KREMEN2: variants seen among roughly 807,000 people sequenced by gnomAD.
KREMEN2 encodes kremen protein 2.
KREMEN2 carries 43 observed loss-of-function variants against 49.8 expected under a neutral mutation model. The observed-to-expected ratio is 0.86, with a 90% CI of 0.68 to 1.11. KREMEN2 has a LOEUF of 1.11. KREMEN2 is among the 50% of genes most tolerant of loss of function. The pLI, the probability that KREMEN2 is intolerant of heterozygous loss-of-function variation, is 0.00. For synonymous variants in KREMEN2, 355 were observed against 304.9 expected, an observed-to-expected ratio of 1.16 and a Z score of -1.71; for missense variants, 686 against 665.7, an observed-to-expected ratio of 1.03 and a Z score of -0.34.
intron 1 of KREMEN2, 46 bp downstream of exon 1, chr16:2,964,660 C>G: frequency 3.3e-6 from 5 of 1,504,268 alleles, no homozygotes; most frequent in Non-Finnish European, 4.5e-6. Context: ...ACCCCTTCCT[C>G]GGCCTCCGCC....
In KREMEN2 at chr16:2,968,278, C is replaced by T; in HGVS notation, c.*258C>T. Reference sequence around the variant, plus strand: ...TCTGGTTTCGGAGGTCTTTGAACCCCTCTGGGGGTGGTCCTGGACTGCCGT... The same window carrying T: ...TCTGGTTTCGGAGGTCTTTGAACCCTTCTGGGGGTGGTCCTGGACTGCCGT... On this transcript the variant is annotated 3_prime_UTR_variant, in exon 9 of 9. Coordinates refer to ENST00000303746, the MANE Select transcript of KREMEN2 (RefSeq NM_172229.3). 7.5e-7 allele frequency: 1 copy of T among 1,325,578 alleles called. No homozygotes were observed. The allele number at this position is 1,325,578 out of a possible 1,614,324, so 82.1% of individuals were successfully genotyped here.
Position 2,964,839 on chromosome 16 carries a change from G to A in KREMEN2, c.95-20G>A. 6.2e-7 allele frequency: 1 copy of A among 1,609,376 alleles called. No individual in the cohort carries two copies. Among genetic ancestry groups the A allele is most frequent in the Non-Finnish European group, 8.5e-7 (1 of 1,178,568 alleles). On this transcript the variant is annotated intron_variant, in intron 1 of 8. Transcript: ENST00000303746. ...CCGGCGTGGGTCCGGACCTCCCCAG[G>A]CCCTGCCTTTGCCGTGCAGGCCTGT...
chr16:2,966,317 C>T lies in KREMEN2; in HGVS notation c.362-8C>T. On this transcript the variant is annotated splice_polypyrimidine_tract_variant and splice_region_variant and intron_variant, in intron 3 of 8. Transcript: ENST00000303746. The surrounding 1 kb of genome is among the most constrained non-coding windows in gnomAD (Gnocchi z 8.4). ...CGGAGTCACGGAAGTCTGACTCTGCCCCCTCAGTGCCAGGCTACCTGGGAT... is the reference window on the plus strand; with the variant it reads ...CGGAGTCACGGAAGTCTGACTCTGCTCCCTCAGTGCCAGGCTACCTGGGAT... The T allele has an allele frequency of 3.1e-6, 5 of 1,612,514 alleles. No individual in the cohort carries two copies. Among genetic ancestry groups the T allele is most frequent in the Non-Finnish European group, 4.2e-6 (5 of 1,179,980 alleles).
In KREMEN2 at chr16:2,967,257, G is replaced by T. The variant is rs1430884025; in HGVS notation, c.973+15G>T. The T allele has an allele frequency of 3.0e-6, 4 of 1,351,946 alleles. No homozygotes were observed. The highest frequency in any genetic ancestry group is 3.8e-6 in the Non-Finnish European group (4 of 1,060,372). 83.7% of individuals were successfully genotyped at this position (1,351,946 alleles called of 1,614,324 possible). On this transcript the variant is annotated intron_variant, in intron 6 of 8. Coordinates refer to ENST00000303746, the MANE Select transcript of KREMEN2 (RefSeq NM_172229.3). ...CACCTACCGCGGTGAGCCTCAGCTC[G>T]GCGCGCCCTGCCCGCTGTTCCCACC...
At chr16:2,965,104 C>T (rs545805035) in intron 2 of KREMEN2, 71 bp downstream of exon 2, 1 of 1,075,634 alleles carries the variant, frequency 9.3e-7, no homozygotes, top group African/African-American at 1.8e-5. Flanking sequence ...AGCGGGGCCT[C>T]CGTGCGGGCG....
Position 2,964,335 on chromosome 16 carries a change from G to A in KREMEN2, c.-186G>A, listed in dbSNP as rs930887417. The A allele has an allele frequency of 4.0e-6, 2 of 498,320 alleles. No individual in the cohort carries two copies. The highest frequency in any genetic ancestry group is 3.0e-5 in the South Asian group (1 of 33,244). The allele number at this position is 498,320 out of a possible 1,614,324, so 30.9% of individuals were successfully genotyped here. On this transcript the variant is annotated 5_prime_UTR_variant, in exon 1 of 9. Transcript: ENST00000303746. ...ACAGAGAGACGCCTCTAGGGGCAGA[G>A]GCCCTGGGAGGCAAAGACCCCCAGG...
chr16:2,966,377 C>A lies in KREMEN2; in HGVS notation c.414C>A (p.Ser138Arg), dbSNP rs1006320008. 15 of 1,611,380 alleles carry A rather than the reference C, an allele frequency of 9.3e-6. No individual in the cohort carries two copies. Among genetic ancestry groups the A allele is most frequent in the Admixed American group, 1.7e-5 (1 of 60,002 alleles). ...FVDSGAPPAL[S>R]GPSGTSTKLT... ...ACTCAGGGGCACCCCCAGCCCTCAGCGGCCCCAGCGGCACCTCCACGAAGC... is the reference window on the plus strand; with the variant it reads ...ACTCAGGGGCACCCCCAGCCCTCAGAGGCCCCAGCGGCACCTCCACGAAGC... Residue 138 changes from serine to arginine, a missense_variant, in exon 4 of 9, where the codon AGC (serine) becomes AGA (arginine). Transcript: ENST00000303746. The surrounding 1 kb of genome is among the most constrained non-coding windows in gnomAD (Gnocchi z 8.4).
In KREMEN2 at chr16:2,968,267, T is replaced by C; in HGVS notation, c.*247T>C. 2 of 1,181,822 alleles carry C rather than the reference T, an allele frequency of 1.7e-6. No homozygotes were observed. The highest frequency in any genetic ancestry group is 2.4e-6 in the Non-Finnish European group (2 of 833,410). 73.2% of individuals were successfully genotyped at this position (1,181,822 alleles called of 1,614,324 possible). On this transcript the variant is annotated 3_prime_UTR_variant, in exon 9 of 9. Transcript: ENST00000303746. ...TGGGGGTGGTCTCTGGTTTCGGAGG[T>C]CTTTGAACCCCTCTGGGGGTGGTCC...
In KREMEN2 at chr16:2,967,871, A is replaced by C; in HGVS notation, c.1240A>C (p.Arg414=). The C allele has an allele frequency of 6.4e-7, 1 of 1,554,448 alleles. No individual in the cohort carries two copies. The change falls in exon 9 of 9, where the codon AGA becomes CGA. Residue 414 remains arginine, a synonymous_variant. Transcript: ENST00000303746. ...GCTGGGGGCTTCCAGGGGCCCCAGGAGAAGCTGGGCTGTGTGGTACCAACA... is the reference window on the plus strand; with the variant it reads ...GCTGGGGGCTTCCAGGGGCCCCAGGCGAAGCTGGGCTGTGTGGTACCAACA... ...PALGASRGPR[R]SWAVWYQQPR...
Position 2,968,138 on chromosome 16 carries a change from T to C in KREMEN2, c.*118T>C. The C allele has an allele frequency of 9.7e-6, 11 of 1,130,826 alleles. No individual in the cohort carries two copies. The East Asian group carries it at 2.8e-4, about 29-fold the overall frequency. The allele number at this position is 1,130,826 out of a possible 1,614,324, so 70.0% of individuals were successfully genotyped here. On this transcript the variant is annotated 3_prime_UTR_variant, in exon 9 of 9. Coordinates refer to ENST00000303746, the MANE Select transcript of KREMEN2 (RefSeq NM_172229.3). ...GGGGCAGCTCGGCCTCTGGTCGCCTTGGGGAGACCAAAAGTCGGACAGGAA... is the reference window on the plus strand; with the variant it reads ...GGGGCAGCTCGGCCTCTGGTCGCCTCGGGGAGACCAAAAGTCGGACAGGAA...
Position 2,967,407 on chromosome 16 carries a change from G to T in KREMEN2, c.1061G>T (p.Cys354Phe). Residue 354 changes from cysteine to phenylalanine, a missense_variant, in exon 7 of 9, where the codon TGC (cysteine) becomes TTC (phenylalanine). Physicochemically the swap from Cys to Phe is radical, Grantham distance 205. Transcript: ENST00000303746. The stretch of plus-strand genomic sequence containing the variant: ...CCCCTCGACGGGGCCAACGTGAGCT[G>T]CAGCCCCAGGCCTGGGGCTCCGCCG... ...AAPLDGANVS[C>F]SPRPGAPPAA... The T allele has an allele frequency of 2.1e-6, 3 of 1,399,246 alleles. No homozygotes were observed. Among genetic ancestry groups the T allele is most frequent in the Non-Finnish European group, 2.8e-6 (3 of 1,088,852 alleles). The allele number at this position is 1,399,246 out of a possible 1,614,324, so 86.7% of individuals were successfully genotyped here.
intron 7 of KREMEN2, 29 bp downstream of exon 7, chr16:2,967,474 G>T (rs1283871432): frequency 6.8e-7 from 1 of 1,475,996 alleles, no homozygotes; most frequent in East Asian, 2.6e-5. Context: ...ACGGGAGTGA[G>T]TCAGGGAGCC....
At position 2,967,434 on chromosome 16, in the gene KREMEN2, C is replaced by T; in HGVS notation, c.1088C>T (p.Ala363Val). 7.1e-7 allele frequency: 1 copy of T among 1,402,644 alleles called. No individual in the cohort carries two copies. Among genetic ancestry groups the T allele is most frequent in the Non-Finnish European group, 9.2e-7 (1 of 1,089,604 alleles). 86.9% of individuals were successfully genotyped at this position (1,402,644 alleles called of 1,614,324 possible). A position where few individuals can be genotyped will look rare whatever the true frequency, so the allele number is the denominator to read the frequency against. Residue 363 changes from alanine to valine, a missense_variant, in exon 7 of 9, where the codon GCC becomes GTC. Physicochemically the swap from Ala to Val is moderately conservative, Grantham distance 64. Transcript: ENST00000303746. Reference protein sequence around the residue: ...SCSPRPGAPPAAIGARVFSTV... With the variant: ...SCSPRPGAPPVAIGARVFSTV... Reference sequence around the variant, plus strand: ...AGCCCCAGGCCTGGGGCTCCGCCGGCCGCGATTGGGGGTGAGGCGGGCGCG... The same window carrying T: ...AGCCCCAGGCCTGGGGCTCCGCCGGTCGCGATTGGGGGTGAGGCGGGCGCG...
chr16:2,966,585 C>G lies in KREMEN2; in HGVS notation c.487-57C>G. ...GATTCCCACCCCGACCCCAGGCCCC[C>G]ACCACTTCACCCCTACCCCAGCCCC... On this transcript the variant is annotated intron_variant, in intron 4 of 8. Transcript: ENST00000303746. The surrounding 1 kb of genome is among the most constrained non-coding windows in gnomAD (Gnocchi z 8.4). 6.4e-7 allele frequency: 1 copy of G among 1,571,642 alleles called. No homozygotes were observed. The highest frequency in any genetic ancestry group is 8.6e-7 in the Non-Finnish European group (1 of 1,163,006).
Position 2,968,059 on chromosome 16 carries a change from A to G in KREMEN2, c.*39A>G. ...GGGTCCGCTGGGCCCGCCGCCGGCG[A>G]GATGGACACCTGAGATGCTGTGCTG... is the stretch of plus-strand genomic sequence containing the variant. On this transcript the variant is annotated 3_prime_UTR_variant, in exon 9 of 9. Transcript: ENST00000303746. 1 of 1,513,606 alleles carries G rather than the reference A, an allele frequency of 6.6e-7. No homozygotes were observed. The highest frequency in any genetic ancestry group is 8.9e-7 in the Non-Finnish European group (1 of 1,127,286). The allele number at this position is 1,513,606 out of a possible 1,614,324, so 93.8% of individuals were successfully genotyped here.
chr16:2,967,801 CCT>C lies in KREMEN2; in HGVS notation c.1179-4_1179-3del, dbSNP rs1425942227. On this transcript the variant is annotated splice_polypyrimidine_tract_variant and splice_region_variant and intron_variant, in intron 8 of 8. Coordinates refer to ENST00000303746, the MANE Select transcript of KREMEN2 (RefSeq NM_172229.3). ...GGACCGGCTCGGCTGATGTCTGCTCCCTCTCTAGGAGCTGTCTGCTGGCTCCG... is the reference window on the plus strand; with the variant it reads ...GGACCGGCTCGGCTGATGTCTGCTCCCTCTAGGAGCTGTCTGCTGGCTCCG... The C allele has an allele frequency of 2.6e-6, 4 of 1,549,544 alleles. No individual in the cohort carries two copies. The highest frequency in any genetic ancestry group is 3.5e-6 in the Non-Finnish European group (4 of 1,146,618).
Position 2,967,018 on chromosome 16 carries a change from G to A in KREMEN2, c.749G>A (p.Gly250Asp), listed in dbSNP as rs2071838160. 6.5e-7 allele frequency: 1 copy of A among 1,546,448 alleles called. No homozygotes were observed. Among genetic ancestry groups the A allele is most frequent in the Non-Finnish European group, 8.7e-7 (1 of 1,146,164 alleles). ...GACCGGAACTGCAGCTGGGCCCTGG[G>A]CCCGCCAGGCGCCGCGCTGGAGCTC... is the stretch of plus-strand genomic sequence containing the variant. ...GPDRNCSWAL[G>D]PPGAALELTF... The change falls in exon 6 of 9, where the codon GGC becomes GAC. Residue 250 changes from glycine to aspartate, a missense_variant. Physicochemically the swap from Gly to Asp is moderately conservative, Grantham distance 94. Transcript: ENST00000303746.
rs375222201 is a variant in KREMEN2, at chr16:2,968,263, G to A, written c.*243G>A. On this transcript the variant is annotated 3_prime_UTR_variant, in exon 9 of 9. Coordinates refer to ENST00000303746, the MANE Select transcript of KREMEN2 (RefSeq NM_172229.3). ...TATGTGGGGGTGGTCTCTGGTTTCG[G>A]AGGTCTTTGAACCCCTCTGGGGGTG... The A allele has an allele frequency of 5.5e-4, 629 of 1,139,818 alleles. 5 individuals are homozygous for A. Among genetic ancestry groups the A allele is most frequent in the South Asian group, 5.0e-3 (363 of 72,862 alleles). The allele number at this position is 1,139,818 out of a possible 1,614,324, so 70.6% of individuals were successfully genotyped here.
Position 2,966,262 on chromosome 16 carries a change from C to T in KREMEN2, c.361+31C>T, listed in dbSNP as rs1281526512. 3.1e-6 allele frequency: 5 copies of T among 1,613,306 alleles called. No homozygotes were observed. The highest frequency in any genetic ancestry group is 4.2e-6 in the Non-Finnish European group (5 of 1,179,936). ...TAGCGCGGCTGGACAGAGGTGGGAA[C>T]GCTGCTGCATCTGGGAGGAGGGTTG... On this transcript the variant is annotated intron_variant, in intron 3 of 8. Transcript: ENST00000303746. The surrounding 1 kb of genome is among the most constrained non-coding windows in gnomAD (Gnocchi z 8.4).
Sources: gnomAD v4.1 joint callset for allele counts on GRCh38, gnomAD v4.1.1 for gene constraint, Gnocchi (gnomAD v3.1) non-coding constraint, MANE v1.5 for transcripts, NCBI Gene and HGNC (gene_info 2026-07-23, HGNC 2026-07-21) for gene names.